The following PCDHGB7 variants were observed in gnomAD, a reference collection of about 807,000 sequenced individuals.
PCDHGB7 encodes the protein protocadherin gamma subfamily B, 7, also known as protocadherin gamma-B7.
PCDHGB7 carries 37 observed loss-of-function variants against 61.4 expected under a neutral mutation model. That is an observed-to-expected ratio of 0.60 (90% confidence interval 0.46 to 0.79). The LOEUF (loss-of-function observed/expected upper bound fraction) is 0.79. PCDHGB7 is among the 30% of genes least tolerant of loss of function. The pLI is 0.00. For synonymous variants in PCDHGB7, 464 were observed against 503.5 expected, an observed-to-expected ratio of 0.92 and a Z score of 1.05; for missense variants, 1,166 against 1,202.5, an observed-to-expected ratio of 0.97 and a Z score of 0.45.
rs138463062 is a variant in PCDHGB7 at position 141,485,217 on chromosome 5, C to G, written c.2416-9590C>G. 6.8e-6 allele frequency: 11 copies of G among 1,613,996 alleles called. No individual in the cohort carries two copies. Among genetic ancestry groups the G allele is most frequent in the Non-Finnish European group, 9.3e-6 (11 of 1,179,978 alleles). ...AGCTGGACAGAAATCTGGCGGTGGGCTACCCTTTTGTTCCTCTTTTACCAC... is the reference window on the plus strand; with the variant it reads ...AGCTGGACAGAAATCTGGCGGTGGGGTACCCTTTTGTTCCTCTTTTACCAC... On this transcript the variant is annotated intron_variant, in intron 1 of 3. Coordinates refer to ENST00000398594, the MANE Select transcript of PCDHGB7 (RefSeq NM_018927.4). This position sits in a 1 kb window ranked among gnomAD's most constrained non-coding sequence, Gnocchi z 5.7.
intron 1 of PCDHGB7, chr5:141,430,662 C>A: frequency 8.6e-7 from 1 of 1,169,068 alleles, no homozygotes; most frequent in Non-Finnish European, 1.2e-6. Context: ...AACGGAGGAG[C>A]TCTGACTTCC....
chr5:141,487,022 A>T lies in PCDHGB7; in HGVS notation c.2416-7785A>T. ...TCAGCTCCTGGAGGCCCCAGATCCC[A>T]GCCTGTTTGCAGTCTCTCGATATGC... On this transcript the variant is annotated intron_variant, in intron 1 of 3. Coordinates refer to ENST00000398594, the MANE Select transcript of PCDHGB7 (RefSeq NM_018927.4). The surrounding 1 kb of genome is among the most constrained non-coding windows in gnomAD (Gnocchi z 5.0). The T allele has an allele frequency of 1.2e-6, 2 of 1,614,212 alleles. No homozygotes were observed. Among genetic ancestry groups the T allele is most frequent in the Non-Finnish European group, 1.7e-6 (2 of 1,180,048 alleles).
Position 141,486,314 on chromosome 5 carries a change from T to C in PCDHGB7, c.2416-8493T>C, listed in dbSNP as rs775833520. The C allele has an allele frequency of 4.5e-5, 72 of 1,613,758 alleles. No homozygotes were observed. The highest frequency in any genetic ancestry group is 5.9e-5 in the Non-Finnish European group (70 of 1,179,984). On this transcript the variant is annotated intron_variant, in intron 1 of 3. Transcript: ENST00000398594. This position sits in a 1 kb window ranked among gnomAD's most constrained non-coding sequence, Gnocchi z 5.0. ...CAGTGTGCAGGATCCAGACTCAGGG[T>C]CAAACGGAGATGTGAGCCTCCGCAT...
Position 141,477,209 on chromosome 5 carries a change from G to A in PCDHGB7, c.2416-17598G>A. ...CGTGTACAGCCCAGTACCCGAGGAT[G>A]CCCCTCTGGGGACTGTCATCGCTTT... is the stretch of plus-strand genomic sequence containing the variant. On this transcript the variant is annotated intron_variant, in intron 1 of 3. Coordinates refer to ENST00000398594, the MANE Select transcript of PCDHGB7 (RefSeq NM_018927.4). This position sits in a 1 kb window ranked among gnomAD's most constrained non-coding sequence, Gnocchi z 4.9. The A allele has an allele frequency of 6.2e-7, 1 of 1,614,194 alleles. No homozygotes were observed.
Position 141,490,765 on chromosome 5 carries a change from G to A in PCDHGB7, c.2416-4042G>A. The A allele has an allele frequency of 6.2e-7, 1 of 1,614,076 alleles. No individual in the cohort carries two copies. The highest frequency in any genetic ancestry group is 8.5e-7 in the Non-Finnish European group (1 of 1,179,914). ...AGCCCCAGCCTCCTCCTTTGTGTAT[G>A]TCAACCCAGAGGATGGACGGATCTT... On this transcript the variant is annotated intron_variant, in intron 1 of 3. Coordinates refer to ENST00000398594, the MANE Select transcript of PCDHGB7 (RefSeq NM_018927.4). This position sits in a 1 kb window ranked among gnomAD's most constrained non-coding sequence, Gnocchi z 5.4.
chr5:141,479,801 G>A (rs2099507037), intron 1 of PCDHGB7, among the ~76,000 whole-genome samples: 1 of 152,118 alleles, frequency 6.6e-6, no homozygotes, highest in Non-Finnish European at 1.5e-5. Flanking sequence ...AATTCAGGGT[G>A]GTATGCAAGG....
At chr5:141,480,702 C>T (rs1455955207) in intron 1 of PCDHGB7, among the ~76,000 whole-genome samples, 1 of 152,170 alleles carries the variant, frequency 6.6e-6, no homozygotes, top group African/African-American at 2.4e-5. Context: ...AGGCCACACC[C>T]CGACAAATGA....
At chr5:141,420,748 C>G (rs2096523185) in intron 1 of PCDHGB7, among the ~76,000 whole-genome samples, 1 of 152,214 alleles carries the variant, frequency 6.6e-6, no homozygotes, top group Non-Finnish European at 1.5e-5. Context: ...TTGGAACCAA[C>G]TACAACCTAC....
intron 3 of PCDHGB7, chr5:141,507,213 G>C (rs1016967764): frequency 6.6e-6 from 1 of 152,558 alleles, no homozygotes; most frequent in African/African-American, 2.4e-5. Context: ...AGGGTTGCCA[G>C]ATAAAATACA....
chr5:141,436,414 A>G (rs1459862288), intron 1 of PCDHGB7, among the ~76,000 whole-genome samples: 1 of 152,234 alleles, frequency 6.6e-6, no homozygotes, highest in East Asian at 1.9e-4. Flanking sequence ...ATGAATGGAT[A>G]AACAAATAAT....
intron 1 of PCDHGB7, chr5:141,426,876 C>G (rs796453479): frequency 2.2e-6 from 1 of 456,726 alleles, no homozygotes; most frequent in Admixed American, 2.3e-5. Flanking sequence ...GGAGAAGCCC[C>G]TGGGCCAGGA....
chr5:141,463,135 C>G (rs1352400365), intron 1 of PCDHGB7, among the ~76,000 whole-genome samples: 1 of 152,128 alleles, frequency 6.6e-6, no homozygotes, highest in African/African-American at 2.4e-5. Flanking sequence ...GGCAGTTCTT[C>G]GCCCAGCTGC....
At chr5:141,501,333 A>ACC (rs1554187333) in intron 2 of PCDHGB7, among the ~76,000 whole-genome samples, 192 of 140,118 alleles carry the variant, frequency 1.4e-3, no homozygotes, top group Admixed American at 5.6e-3. Flanking sequence ...ACACACACAC[A>ACC]CCCCAAACTC....
At chr5:141,455,075 G>A (rs1050636999) in intron 1 of PCDHGB7, among the ~76,000 whole-genome samples, 2 of 151,830 alleles carry the variant, frequency 1.3e-5, no homozygotes, top group African/African-American at 4.8e-5. Context: ...GCCTCCCAAA[G>A]TGCTGGGATT....
At position 141,431,851 on chromosome 5, in the gene PCDHGB7, A is replaced by G. The variant is rs2097423722; in HGVS notation, c.2415+11577A>G. 1 of 1,614,264 alleles carries G rather than the reference A, an allele frequency of 6.2e-7. No individual in the cohort carries two copies. The highest frequency in any genetic ancestry group is 1.1e-5 in the South Asian group (1 of 91,088). ...TTCCCGAAAACTCTCCCAGAGGGAC[A>G]TTAATTGCCCTTTTAAATGTAAATG... On this transcript the variant is annotated intron_variant, in intron 1 of 3. Coordinates refer to ENST00000398594, the MANE Select transcript of PCDHGB7 (RefSeq NM_018927.4). This position sits in a 1 kb window ranked among gnomAD's most constrained non-coding sequence, Gnocchi z 4.8.
At chr5:141,440,501 A>G (rs2098183001) in intron 1 of PCDHGB7, 1 of 152,174 alleles carries the variant, frequency 6.6e-6, no homozygotes, top group African/African-American at 2.4e-5. Context: ...TCACATTAAT[A>G]TGGAGATTCA....
Position 141,487,341 on chromosome 5 carries a change from TC to T in PCDHGB7, c.2416-7465del, listed in dbSNP as rs778559139. Reference sequence around the variant, plus strand: ...TGTCTTCGTGGGGCAGCCTGTGGAGTCACATGCTTTCCTGCTGGCACCTGTG... The same window carrying T: ...TGTCTTCGTGGGGCAGCCTGTGGAGTACATGCTTTCCTGCTGGCACCTGTG... On this transcript the variant is annotated intron_variant, in intron 1 of 3. Transcript: ENST00000398594. This position sits in a 1 kb window ranked among gnomAD's most constrained non-coding sequence, Gnocchi z 5.0. 1 of 1,614,012 alleles carries T rather than the reference TC, an allele frequency of 6.2e-7. No homozygotes were observed. The highest frequency in any genetic ancestry group is 1.1e-5 in the South Asian group (1 of 91,074).
At chr5:141,434,693 T>C (rs2097710124) in intron 1 of PCDHGB7, among the ~76,000 whole-genome samples, 1 of 152,034 alleles carries the variant, frequency 6.6e-6, no homozygotes, top group Non-Finnish European at 1.5e-5. Context: ...TTGCTGTTAA[T>C]AAATATGTGG....
Position 141,489,351 on chromosome 5 carries a change from G to A in PCDHGB7, c.2416-5456G>A, listed in dbSNP as rs2099685862. ...GGCAGCTTCGTTACTCAGTGGTGGAGGAGTCTGAGCCGGGGACGCTGGTGG... is the reference window on the plus strand; with the variant it reads ...GGCAGCTTCGTTACTCAGTGGTGGAAGAGTCTGAGCCGGGGACGCTGGTGG... On this transcript the variant is annotated intron_variant, in intron 1 of 3. Transcript: ENST00000398594. This position sits in a 1 kb window ranked among gnomAD's most constrained non-coding sequence, Gnocchi z 4.5. The A allele has an allele frequency of 6.2e-7, 1 of 1,612,202 alleles. No individual in the cohort carries two copies. The highest frequency in any genetic ancestry group is 1.3e-5 in the African/African-American group (1 of 75,006).
Sources: allele counts gnomAD v4.1 joint callset (sites outside exome capture counted in the v4.1 genomes callset), GRCh38; gene constraint gnomAD v4.1.1; non-coding constraint Gnocchi (gnomAD v3.1); transcripts MANE v1.5; gene names NCBI Gene and HGNC (gene_info 2026-07-23, HGNC 2026-07-21).